The following IMMP2L variants were observed in gnomAD, a reference collection of about 807,000 sequenced individuals.
IMMP2L encodes mitochondrial inner membrane protease subunit 2.
A neutral mutation model predicts 19.3 loss-of-function variants in IMMP2L; 18 were observed. That is an observed-to-expected ratio of 0.93 (90% CI 0.64 to 1.38). IMMP2L has a LOEUF of 1.38. Among genes scored for constraint, IMMP2L ranks in the 40% most tolerant of loss-of-function variants. The pLI, the probability that IMMP2L is intolerant of heterozygous loss-of-function variation, is 0.00. For synonymous variants in IMMP2L, 76 were observed against 73.0 expected (o/e 1.04, Z -0.21); for missense variants, 233 against 218.2 (o/e 1.07, Z -0.43).
chr7:110,792,859 C>T lies in IMMP2L; in HGVS notation c.408+93734G>A, dbSNP rs143094416. On this transcript the variant is annotated intron_variant, in intron 5 of 5. Transcript: ENST00000405709. ...GCTCCACCTAGTCATCTCCCCCTCC[C>T]CCAGCCCCTGGCAACCATACAATGA... is the stretch of plus-strand genomic sequence containing the variant. 1.9e-4 allele frequency among the ~76,000 whole-genome samples: 29 copies of T among 152,170 alleles called. No homozygotes were observed. The East Asian group carries it at 5.4e-3, about 29-fold the overall frequency.
At chr7:111,138,300 T>G (rs1433321084) in intron 3 of IMMP2L, among the ~76,000 whole-genome samples, 1 of 152,210 alleles carries the variant, frequency 6.6e-6, no homozygotes, top group Non-Finnish European at 1.5e-5. Flanking sequence ...TTTCTTCTGC[T>G]ATTGTCACTT....
intron 3 of IMMP2L, among the ~76,000 whole-genome samples, chr7:111,281,176 A>C (rs1330596411): frequency 0.034 from 2,157 of 64,296 alleles, 26 homozygotes; most frequent in Non-Finnish European, 0.045. Context: ...GAAAGAAAGA[A>C]AGAAAGAAAG....
chr7:111,264,205 A>T (rs1817606635), intron 3 of IMMP2L, among the ~76,000 whole-genome samples: 1 of 152,148 alleles, frequency 6.6e-6, no homozygotes, highest in Non-Finnish European at 1.5e-5. Flanking sequence ...CATACAGTTT[A>T]CTATTTTTAA....
intron 4 of IMMP2L, among the ~76,000 whole-genome samples, chr7:110,960,206 A>G (rs1818789329): frequency 6.6e-6 from 1 of 151,978 alleles, no homozygotes; most frequent in South Asian, 2.1e-4. Context: ...GATATAATTC[A>G]TATAACAGAG....
chr7:110,804,223 A>C (rs1410010389), intron 5 of IMMP2L, among the ~76,000 whole-genome samples: 1 of 152,090 alleles, frequency 6.6e-6, no homozygotes, highest in African/African-American at 2.4e-5. Context: ...CATAGTATTT[A>C]TTTAAATGCT....
intron 5 of IMMP2L, among the ~76,000 whole-genome samples, chr7:110,684,818 A>G (rs774678561): frequency 6.6e-6 from 1 of 152,058 alleles, no homozygotes; most frequent in African/African-American, 2.4e-5. Context: ...GAATGGAACA[A>G]GATATGCGTG....
rs58665783 is a variant in IMMP2L, at chr7:111,254,227, C to CTTTTGTTTTG, written c.239+233001_239+233010dup. On this transcript the variant is annotated intron_variant, in intron 3 of 5. Transcript: ENST00000405709. ...GTAAAGTTGCTTGTCTGTTTCTTGT[C>CTTTTGTTTTG]TTTTGTTTTGTTTTGTTTTGTTTTG... Among the ~76,000 whole-genome samples, 133 of 151,266 alleles carry CTTTTGTTTTG rather than the reference C, an allele frequency of 8.8e-4. 1 individual carries two copies. The highest frequency in any genetic ancestry group is 2.3e-3 in the African/African-American group (96 of 40,952).
At chr7:111,278,192 A>G (rs975280281) in intron 3 of IMMP2L, among the ~76,000 whole-genome samples, 7 of 152,212 alleles carry the variant, frequency 4.6e-5, no homozygotes, top group African/African-American at 1.4e-4. Context: ...ACATACATGT[A>G]AAAAACTTGC....
intron 5 of IMMP2L, among the ~76,000 whole-genome samples, chr7:110,867,933 A>C (rs756212085): frequency 2.6e-5 from 4 of 152,018 alleles, no homozygotes; most frequent in Non-Finnish European, 5.9e-5. Flanking sequence ...CTGCTCAGTC[A>C]TGGTGTTGTC....
At chr7:111,482,189 G>T (rs1480291642) in intron 3 of IMMP2L, among the ~76,000 whole-genome samples, 2 of 152,140 alleles carry the variant, frequency 1.3e-5, no homozygotes, top group Non-Finnish European at 2.9e-5. Context: ...GACAGTACAG[G>T]CTTAGAGTCA....
chr7:111,255,964 G>T (rs571445601), intron 3 of IMMP2L, among the ~76,000 whole-genome samples: 1 of 152,062 alleles, frequency 6.6e-6, no homozygotes, highest in African/African-American at 2.4e-5. Context: ...AACAACAAAT[G>T]CTTTTTAAAA....
At chr7:110,994,310 T>G (rs1380080544) in intron 3 of IMMP2L, among the ~76,000 whole-genome samples, 1 of 152,138 alleles carries the variant, frequency 6.6e-6, no homozygotes, top group African/African-American at 2.4e-5. Context: ...CCTTCAAGCC[T>G]AGATACAAAA....
intron 3 of IMMP2L, among the ~76,000 whole-genome samples, chr7:111,261,325 A>C (rs1727778563): frequency 6.6e-6 from 1 of 152,132 alleles, no homozygotes; most frequent in South Asian, 2.1e-4. Flanking sequence ...AGCCCACTGA[A>C]ATACTGACTT....
intron 4 of IMMP2L, among the ~76,000 whole-genome samples, chr7:110,931,405 T>A (rs1462010251): frequency 6.6e-6 from 1 of 152,150 alleles, no homozygotes; most frequent in Non-Finnish European, 1.5e-5. Flanking sequence ...CCTAACTTGT[T>A]CTCCTCTCTA....
At chr7:111,235,230 G>A (rs1814157088) in intron 3 of IMMP2L, among the ~76,000 whole-genome samples, 1 of 151,994 alleles carries the variant, frequency 6.6e-6, no homozygotes, top group African/African-American at 2.4e-5. Flanking sequence ...CCAGCACTTT[G>A]GGAGGCTGAG....
chr7:110,688,023 C>A (rs1448039382), intron 5 of IMMP2L, among the ~76,000 whole-genome samples: 1 of 151,920 alleles, frequency 6.6e-6, no homozygotes, highest in Non-Finnish European at 1.5e-5. Flanking sequence ...GAAGCCCAAG[C>A]CACACTGACA....
intron 3 of IMMP2L, among the ~76,000 whole-genome samples, chr7:111,448,208 C>T (rs1374846158): frequency 1.6e-5 from 2 of 124,976 alleles, no homozygotes; most frequent in Non-Finnish European, 3.2e-5. Flanking sequence ...CCAAGCGGAC[C>T]TAATAGACAT....
chr7:111,317,135 T>C (rs1365784764), intron 3 of IMMP2L, among the ~76,000 whole-genome samples: 2 of 152,038 alleles, frequency 1.3e-5, no homozygotes, highest in South Asian at 2.1e-4. Context: ...GGCATGATTT[T>C]TGGCTCGTTT....
At chr7:110,942,860 C>A (rs1816868101) in intron 4 of IMMP2L, among the ~76,000 whole-genome samples, 1 of 151,908 alleles carries the variant, frequency 6.6e-6, no homozygotes, top group Non-Finnish European at 1.5e-5. Flanking sequence ...ATATCCAGCA[C>A]CCAAGTAATA....
Sources: gnomAD v4.1 joint callset for allele counts (sites outside exome capture counted in the v4.1 genomes callset) on GRCh38, gnomAD v4.1.1 for gene constraint, MANE v1.5 for transcripts, NCBI Gene and HGNC (gene_info 2026-07-23, HGNC 2026-07-21) for gene names.